Variants in PCDH15 observed in about 807,000 individuals in gnomAD.
The protein encoded by PCDH15 is protocadherin-15.
In PCDH15, 129 loss-of-function variants were observed where a neutral mutation model predicts 178.5. The ratio of observed to expected loss-of-function variants is 0.72; its 90% confidence interval spans 0.63 to 0.84. The LOEUF is 0.84. Among genes scored for constraint, PCDH15 ranks in the 40% least tolerant of loss-of-function variants. The pLI is 0.00. For missense variants in PCDH15, 2,230 were observed against 2,099.9 expected (o/e 1.06, Z -1.21); for synonymous variants, 800 against 732.0 (o/e 1.09, Z -1.50).
intron 2 of PCDH15, chr10:54,528,348 C>T (rs762813204): frequency 1.3e-6 from 2 of 1,531,834 alleles, no homozygotes; most frequent in Non-Finnish European, 1.8e-6. Context: ...ACAAGCAATG[C>T]TCATGAGGTT....
chr10:54,615,354 G>C (rs1163501075), intron 2 of PCDH15, among the ~76,000 whole-genome samples: 2 of 151,912 alleles, frequency 1.3e-5, no homozygotes, highest in African/African-American at 4.8e-5. Flanking sequence ...CTGTGTTTCT[G>C]GAACTAAACA....
intron 3 of PCDH15, among the ~76,000 whole-genome samples, chr10:54,495,972 A>T (rs2080074916): frequency 6.6e-6 from 1 of 152,176 alleles, no homozygotes; most frequent in Non-Finnish European, 1.5e-5. Flanking sequence ...TCTGTTTCAG[A>T]TAAGGGTAAA....
chr10:55,448,786 G>T (rs982487444), intron 2 of PCDH15, among the ~76,000 whole-genome samples: 1 of 152,008 alleles, frequency 6.6e-6, no homozygotes, highest in Non-Finnish European at 1.5e-5. Context: ...CCTCTTTGTT[G>T]TGTACTTAGG....
chr10:55,327,881 T>C, intron 2 of PCDH15, among the ~76,000 whole-genome samples: 1 of 152,038 alleles, frequency 6.6e-6, no homozygotes, highest in African/African-American at 2.4e-5. Flanking sequence ...TATGGCAAGA[T>C]AGTAATCACC....
intron 3 of PCDH15, among the ~76,000 whole-genome samples, chr10:54,456,485 C>T (rs2076830084): frequency 6.6e-6 from 1 of 152,106 alleles, no homozygotes; most frequent in African/African-American, 2.4e-5. Flanking sequence ...GACTGTATCC[C>T]CATTGTATCT....
At chr10:54,236,069 G>T (rs1269627109) in intron 9 of PCDH15, among the ~76,000 whole-genome samples, 2 of 152,092 alleles carry the variant, frequency 1.3e-5, no homozygotes, top group African/African-American at 4.8e-5. Flanking sequence ...GGGGTTGAGG[G>T]CTAATGCTGA....
At chr10:54,608,096 A>G in intron 2 of PCDH15, 1 of 394,648 alleles carries the variant, frequency 2.5e-6, no homozygotes, top group South Asian at 1.8e-5. Flanking sequence ...GATAGAGCCA[A>G]AAAGAGGACT....
At chr10:55,555,699 T>C (rs948806378) in intron 2 of PCDH15, among the ~76,000 whole-genome samples, 4 of 152,110 alleles carry the variant, frequency 2.6e-5, no homozygotes, top group East Asian at 1.9e-4. Flanking sequence ...TTGAATGACA[T>C]GTTAGAAGTA....
chr10:55,416,814 T>C (rs1838495172), intron 2 of PCDH15, among the ~76,000 whole-genome samples: 1 of 151,808 alleles, frequency 6.6e-6, no homozygotes, highest in Non-Finnish European at 1.5e-5. Context: ...TCTAAGCTAG[T>C]GTCTGTCACG....
intron 2 of PCDH15, among the ~76,000 whole-genome samples, chr10:54,625,681 T>C (rs1181601078): frequency 6.6e-6 from 1 of 152,196 alleles, no homozygotes; most frequent in Admixed American, 6.5e-5. Context: ...TAAACTTTTT[T>C]CCTTTGTAAA....
At position 53,806,229 on chromosome 10, in the gene PCDH15, A is replaced by C. The variant is rs188980957; in HGVS notation, c.*350T>G. The stretch of plus-strand genomic sequence containing the variant: ...TACATGTACTAAAAATGTTTTGTGG[A>C]GCTAGAAATAAAGCATAATCTATGT... On this transcript the variant is annotated 3_prime_UTR_variant, in exon 38 of 38. Coordinates refer to ENST00000644397, the MANE Select transcript of PCDH15 (RefSeq NM_001384140.1). 19 of 185,282 alleles carry C rather than the reference A, an allele frequency of 1.0e-4. No individual in the cohort carries two copies. In the East Asian group the frequency reaches 2.3e-3, roughly 23 times the overall value. The allele number at this position is 185,282 out of a possible 1,614,324, so 11.5% of individuals were successfully genotyped here.
At chr10:53,809,053 G>A (rs745608643) in intron 37 of PCDH15, 5 of 1,611,306 alleles carry the variant, frequency 3.1e-6, no homozygotes, top group Middle Eastern at 3.3e-4. Flanking sequence ...CTCAACCATG[G>A]GCCTTCTTCT....
At chr10:55,432,903 C>T (rs1323883878) in intron 2 of PCDH15, among the ~76,000 whole-genome samples, 2 of 151,690 alleles carry the variant, frequency 1.3e-5, no homozygotes, top group Non-Finnish European at 2.9e-5. Context: ...GGATTACAGG[C>T]GTGAGAAGTA....
chr10:54,605,030 T>G (rs2134145314), intron 2 of PCDH15, among the ~76,000 whole-genome samples: 1 of 152,008 alleles, frequency 6.6e-6, no homozygotes, highest in Middle Eastern at 3.4e-3. Context: ...ACACAAAAAC[T>G]TCACATTTTT....
At chr10:54,271,585 C>T (rs573864806) in intron 8 of PCDH15, among the ~76,000 whole-genome samples, 1 of 152,222 alleles carries the variant, frequency 6.6e-6, no homozygotes, top group South Asian at 2.1e-4. Context: ...TATACTTTTC[C>T]ATAGGCACAA....
At chr10:55,452,253 T>C (rs1056678862) in intron 2 of PCDH15, among the ~76,000 whole-genome samples, 1 of 151,934 alleles carries the variant, frequency 6.6e-6, no homozygotes, top group Non-Finnish European at 1.5e-5. Flanking sequence ...CGAGTGTAAA[T>C]GCCATTGTGT....
intron 3 of PCDH15, among the ~76,000 whole-genome samples, chr10:54,480,442 AC>A (rs1172610437): frequency 1.3e-5 from 2 of 152,028 alleles, no homozygotes; most frequent in Admixed American, 1.3e-4. Flanking sequence ...GGACTTTAGC[AC>A]ATTACTGCAA....
chr10:54,102,573 G>A (rs1385778670), intron 15 of PCDH15, among the ~76,000 whole-genome samples: 1 of 152,200 alleles, frequency 6.6e-6, no homozygotes, highest in Non-Finnish European at 1.5e-5. Context: ...TAGCTTTCAA[G>A]TCCTTCATAG....
At chr10:54,753,110 C>T (rs1946566717) in intron 1 of PCDH15, among the ~76,000 whole-genome samples, 1 of 152,126 alleles carries the variant, frequency 6.6e-6, no homozygotes. Context: ...AATGTTTGCA[C>T]ATCCATGGTA....
Sources: allele counts gnomAD v4.1 joint callset (sites outside exome capture counted in the v4.1 genomes callset), GRCh38; gene constraint gnomAD v4.1.1; transcripts MANE v1.5; gene names NCBI Gene and HGNC (gene_info 2026-07-23, HGNC 2026-07-21).